ASMTL: variants seen among roughly 807,000 people sequenced by gnomAD.
ASMTL encodes the protein probable bifunctional dTTP/UTP pyrophosphatase/methyltransferase protein.
In ASMTL, 57 loss-of-function variants were observed where a neutral mutation model predicts 60.3. The ratio of observed to expected loss-of-function variants is 0.95; its 90% confidence interval spans 0.76 to 1.18. The LOEUF is 1.18. Among genes scored for constraint, ASMTL ranks in the 50% most tolerant of loss-of-function variants. The probability of loss-of-function intolerance (pLI) is 0.00; values close to 1 mark genes in which losing one functional copy is unlikely to be tolerated. For synonymous variants in ASMTL, 419 were observed against 373.0 expected (o/e 1.12, Z -1.42); for missense variants, 981 against 852.6 (o/e 1.15, Z -1.88).
chrX:1,425,180 C>T (rs1305967181), intron 8 of ASMTL, among the ~76,000 whole-genome samples: 1 of 152,072 alleles, frequency 6.6e-6, no homozygotes, highest in African/African-American at 2.4e-5. Context: ...TCTGTCTACC[C>T]ATCCATCTAC....
At chrX:1,425,366 C>A (rs1283682100) in intron 8 of ASMTL, 159 bp downstream of exon 8, 4 of 390,976 alleles carry the variant, frequency 1.0e-5, no homozygotes, top group Non-Finnish European at 1.4e-5. Flanking sequence ...TGTCATTCAC[C>A]CTCTGCTTCT....
chrX:1,437,965 C>T (rs1363053731), intron 3 of ASMTL, among the ~76,000 whole-genome samples: 9 of 149,680 alleles, frequency 6.0e-5, no homozygotes, highest in South Asian at 2.1e-4. Context: ...AATTAGGATG[C>T]GCATTTTATG....
intron 8 of ASMTL, among the ~76,000 whole-genome samples, chrX:1,423,180 C>T (rs1379359497): frequency 1.3e-5 from 2 of 152,166 alleles, no homozygotes; most frequent in Non-Finnish European, 2.9e-5. Context: ...TCTTGATCTC[C>T]TGAACTCGTG....
chrX:1,447,539 C>T (rs2091253763), intron 1 of ASMTL, among the ~76,000 whole-genome samples: 1 of 151,916 alleles, frequency 6.6e-6, no homozygotes, highest in Non-Finnish European at 1.5e-5. Flanking sequence ...CTTGGACACA[C>T]ACCATCTTGG....
Position 1,435,047 on chromosome X carries a change from G to A in ASMTL, c.375C>T (p.Val125=), listed in dbSNP as rs199594551. The part of the protein sequence containing the change: ...SGREHSVFTG[V]AIVHCSSKDH... ...CTTTGCTGGAGCAGTGGACGATCGC[G>A]ACACCTGTGAACACGCTGTGTTCTC... The change falls in exon 5 of 13, where the codon GTC becomes GTT. Residue 125 remains valine, a synonymous_variant. Transcript: ENST00000381317. 26 of 1,609,602 alleles carry A rather than the reference G, an allele frequency of 1.6e-5. No individual in the cohort carries two copies. Among genetic ancestry groups the A allele is most frequent in the African/African-American group, 4.0e-5 (3 of 74,986 alleles).
rs368453914 is a variant in ASMTL at position 1,403,246 on chromosome X, A to G, written c.*23T>C. 1.2e-3 allele frequency: 1,953 copies of G among 1,605,860 alleles called. 9 individuals are homozygous for G. Among genetic ancestry groups the G allele is most frequent in the Non-Finnish European group, 1.5e-3 (1,772 of 1,174,640 alleles). ...CTGCAGCCTGGGGGAGGACATCCCT[A>G]TAATGAACATGCTGCCTGGGCTTCA... On this transcript the variant is annotated 3_prime_UTR_variant, in exon 13 of 13. Coordinates refer to ENST00000381317, the MANE Select transcript of ASMTL (RefSeq NM_004192.4).
chrX:1,441,318 C>G (rs759696844), intron 2 of ASMTL, among the ~76,000 whole-genome samples: 124 of 152,086 alleles, frequency 8.2e-4, no homozygotes, highest in African/African-American at 2.6e-3. Flanking sequence ...GCTCTGTTGC[C>G]TAAGTTGGAG....
rs767953762 is a variant in ASMTL, at chrX:1,403,309, C to A, written c.1826G>T (p.Gly609Val). 9 of 1,612,910 alleles carry A rather than the reference C, an allele frequency of 5.6e-6. No homozygotes were observed. Among genetic ancestry groups the A allele is most frequent in the African/African-American group, 4.0e-5 (3 of 74,926 alleles). ...GGTGGCCAAGATGGCATCCAGGACA[C>A]CCCCCAAGTGCACCACCTGCACCTG... ...FHQVQVVHLG[G>V]VLDAILATKV... Residue 609 changes from glycine (G) to valine (V), a missense_variant, in exon 13 of 13, where the codon GGT (glycine) becomes GTT (valine). Physicochemically the swap from Gly to Val is moderately radical, Grantham distance 109. Transcript: ENST00000381317.
intron 8 of ASMTL, among the ~76,000 whole-genome samples, chrX:1,422,060 G>A (rs2149303531): frequency 6.6e-6 from 1 of 152,228 alleles, no homozygotes; most frequent in South Asian, 2.1e-4. Flanking sequence ...AGGGTCAGCT[G>A]GGCAGGAAAA....
intron 12 of ASMTL, among the ~76,000 whole-genome samples, chrX:1,408,043 T>TA (rs201888981): frequency 0.014 from 2,114 of 148,360 alleles, 56 homozygotes; most frequent in African/African-American, 0.05. Flanking sequence ...CTACAAAATT[T>TA]AAAAAACCCT....
intron 11 of ASMTL, among the ~76,000 whole-genome samples, chrX:1,414,867 C>T (rs1203917348): frequency 1.3e-5 from 2 of 152,086 alleles, no homozygotes; most frequent in African/African-American, 4.8e-5. Context: ...TGTGGAGGTC[C>T]CCAGCACCTG....
chrX:1,432,958 C>CATG (rs2090845989), intron 5 of ASMTL, among the ~76,000 whole-genome samples: 1 of 152,208 alleles, frequency 6.6e-6, no homozygotes, highest in Admixed American at 6.5e-5. Flanking sequence ...ATTAGCCGGG[C>CATG]GTGGTGGCAT....
chrX:1,421,964 C>G, intron 8 of ASMTL, 122 bp from the exon 9 acceptor site: 1 of 919,212 alleles, frequency 1.1e-6, no homozygotes, highest in East Asian at 2.4e-5. Flanking sequence ...GCAAACCGTA[C>G]ACTCAAGGAA....
intron 12 of ASMTL, among the ~76,000 whole-genome samples, chrX:1,405,213 AATGGATGGATAG>A (rs1451475659): frequency 6.0e-5 from 7 of 117,524 alleles, no homozygotes; most frequent in African/African-American, 2.2e-4. Flanking sequence ...TAGATAGATG[AATGGATGGATAG>A]ATGGATGGAT....
intron 12 of ASMTL, among the ~76,000 whole-genome samples, chrX:1,410,687 C>T (rs2089977155): frequency 6.6e-6 from 1 of 151,480 alleles, no homozygotes; most frequent in Non-Finnish European, 1.5e-5. Context: ...GCTGGGATTA[C>T]AGGTGTGAGC....
intron 12 of ASMTL, among the ~76,000 whole-genome samples, chrX:1,410,708 G>A (rs1375985884): frequency 2.7e-5 from 4 of 150,784 alleles, no homozygotes; most frequent in South Asian, 4.3e-4. Flanking sequence ...CACCGTGCCC[G>A]GTCTCAGAAA....
chrX:1,417,196 C>G (rs1219385061), intron 11 of ASMTL, among the ~76,000 whole-genome samples: 1 of 150,730 alleles, frequency 6.6e-6, no homozygotes, highest in Non-Finnish European at 1.5e-5. Flanking sequence ...CAGATGCAGA[C>G]GTACACACAG....
intron 1 of ASMTL, 37 bp downstream of exon 1, chrX:1,452,711 T>C (rs758304105): frequency 3.6e-5 from 56 of 1,537,816 alleles, no homozygotes; most frequent in Non-Finnish European, 4.6e-5. Flanking sequence ...AGCCCCTCCG[T>C]CCCCGGTCCC....
At chrX:1,441,817 T>C in intron 2 of ASMTL, 1 of 205,422 alleles carries the variant, frequency 4.9e-6, no homozygotes, top group Non-Finnish European at 9.8e-6. Context: ...GAGGATATTA[T>C]AACACATAGT....
Sources: gnomAD v4.1 joint callset for allele counts (sites outside exome capture counted in the v4.1 genomes callset) on GRCh38, gnomAD v4.1.1 for gene constraint, MANE v1.5 for transcripts, NCBI Gene and HGNC (gene_info 2026-07-23, HGNC 2026-07-21) for gene names.